NKAIN3: variants seen among roughly 807,000 people sequenced by gnomAD.
The protein encoded by NKAIN3 is sodium/potassium transporting ATPase interacting 3.
NKAIN3 carries 25 observed loss-of-function variants against 30.2 expected under a neutral mutation model. The observed-to-expected ratio is 0.83, with a 90% CI of 0.60 to 1.16. NKAIN3 has a LOEUF of 1.16. Among genes scored for constraint, NKAIN3 ranks in the 50% most tolerant of loss-of-function variants. NKAIN3 has a pLI of 0.00. For synonymous variants in NKAIN3, 91 were observed against 89.6 expected, an observed-to-expected ratio of 1.02 and a Z score of -0.09; for missense variants, 225 against 254.1, an observed-to-expected ratio of 0.89 and a Z score of 0.78.
At chr8:62,519,043 T>C (rs914321475) in intron 1 of NKAIN3, among the ~76,000 whole-genome samples, 1 of 151,976 alleles carries the variant, frequency 6.6e-6, no homozygotes, top group Non-Finnish European at 1.5e-5. Flanking sequence ...TGCTCCAAAA[T>C]ATTTCATGTA....
At chr8:62,735,500 T>C (rs1486238380) in intron 3 of NKAIN3, among the ~76,000 whole-genome samples, 1 of 152,052 alleles carries the variant, frequency 6.6e-6, no homozygotes, top group Non-Finnish European at 1.5e-5. Context: ...GTTGTGATTG[T>C]GTTTTATTTA....
chr8:62,866,482 C>T (rs932651947), intron 4 of NKAIN3, among the ~76,000 whole-genome samples: 1 of 152,138 alleles, frequency 6.6e-6, no homozygotes, highest in Non-Finnish European at 1.5e-5. Context: ...TTTGTTTATG[C>T]ATTTCCTTAA....
chr8:62,546,574 T>C (rs1235463808), intron 1 of NKAIN3, among the ~76,000 whole-genome samples: 1 of 152,220 alleles, frequency 6.6e-6, no homozygotes. Context: ...TCAAATGGCC[T>C]ATTGCTTGTG....
At chr8:62,863,964 A>T in intron 4 of NKAIN3, 8 of 831,290 alleles carry the variant, frequency 9.6e-6, no homozygotes, top group Admixed American at 1.8e-5. Context: ...GTGGTGGTGG[A>T]GGTGGAGGAG....
chr8:62,395,139 G>A (rs900298243), intron 1 of NKAIN3, among the ~76,000 whole-genome samples: 3 of 150,860 alleles, frequency 2.0e-5, no homozygotes, highest in African/African-American at 4.9e-5. Context: ...CTTCCCAGAC[G>A]GGGCGGCGAC....
At chr8:62,637,057 T>C (rs1268702412) in intron 3 of NKAIN3, among the ~76,000 whole-genome samples, 2 of 152,222 alleles carry the variant, frequency 1.3e-5, no homozygotes, top group Non-Finnish European at 2.9e-5. Context: ...CATTATTTTT[T>C]TGGAAAGGTA....
At chr8:62,258,290 A>C (rs376522012) in intron 1 of NKAIN3, among the ~76,000 whole-genome samples, 1 of 152,232 alleles carries the variant, frequency 6.6e-6, no homozygotes, top group African/African-American at 2.4e-5. Flanking sequence ...CTACATGTGC[A>C]TACTTGAACT....
At chr8:62,869,678 CG>C (rs1164589043) in intron 4 of NKAIN3, among the ~76,000 whole-genome samples, 1 of 152,138 alleles carries the variant, frequency 6.6e-6, no homozygotes, top group African/African-American at 2.4e-5. Flanking sequence ...CAACCCCTTG[CG>C]GGGGGTAGGT....
At chr8:62,351,247 G>C in intron 1 of NKAIN3, among the ~76,000 whole-genome samples, 1 of 150,008 alleles carries the variant, frequency 6.7e-6, no homozygotes, top group Non-Finnish European at 1.5e-5. Flanking sequence ...TGTATAAAAT[G>C]GGAGAGTATT....
chr8:62,929,676 A>G (rs1822560030), intron 5 of NKAIN3, among the ~76,000 whole-genome samples: 2 of 152,262 alleles, frequency 1.3e-5, no homozygotes, highest in Non-Finnish European at 2.9e-5. Flanking sequence ...TTAAACCATT[A>G]TGCAATTTTT....
chr8:62,599,509 G>A (rs1810928984), intron 3 of NKAIN3, among the ~76,000 whole-genome samples: 1 of 152,032 alleles, frequency 6.6e-6, no homozygotes, highest in Non-Finnish European at 1.5e-5. Context: ...TGAGGTTTCA[G>A]TAAATGGTGG....
intron 1 of NKAIN3, among the ~76,000 whole-genome samples, chr8:62,402,794 G>C (rs13248442): frequency 0.4 from 60,745 of 151,994 alleles, 14,098 homozygotes; most frequent in South Asian, 0.52. Context: ...ACAGTAAATT[G>C]GTACCGCAAA....
intron 3 of NKAIN3, among the ~76,000 whole-genome samples, chr8:62,633,694 A>G (rs746549713): frequency 6.6e-6 from 1 of 152,168 alleles, no homozygotes; most frequent in African/African-American, 2.4e-5. Context: ...CACAGATGCC[A>G]CGCTGTCTGT....
At chr8:62,858,701 A>T (rs1820140164) in intron 4 of NKAIN3, among the ~76,000 whole-genome samples, 1 of 152,004 alleles carries the variant, frequency 6.6e-6, no homozygotes, top group African/African-American at 2.4e-5. Context: ...GACTCTTCAA[A>T]GTCCACAGGC....
intron 4 of NKAIN3, among the ~76,000 whole-genome samples, chr8:62,816,919 T>G (rs907649326): frequency 2.0e-5 from 3 of 152,264 alleles, no homozygotes; most frequent in East Asian, 3.9e-4. Flanking sequence ...GCTCAGGACC[T>G]GCAAGAGTTG....
rs936325638 is a variant in NKAIN3, at chr8:62,967,557, T to A, written c.*2150T>A. 3.9e-5 allele frequency among the ~76,000 whole-genome samples: 6 copies of A among 152,106 alleles called. No individual in the cohort carries two copies. Among genetic ancestry groups the A allele is most frequent in the Admixed American group, 2.0e-4 (3 of 15,278 alleles). ...CCACAGAAACAACAAACTCTGTTTT[T>A]TAAAAAGCAGCTGGGAAAACCTTGC... On this transcript the variant is annotated 3_prime_UTR_variant, in exon 7 of 7. Transcript: ENST00000623646.
At chr8:62,565,495 G>A (rs1051387978) in intron 1 of NKAIN3, among the ~76,000 whole-genome samples, 14 of 152,156 alleles carry the variant, frequency 9.2e-5, no homozygotes, top group African/African-American at 2.6e-4. Flanking sequence ...AGGGGAAACC[G>A]AGGCACAGAG....
At chr8:62,675,650 T>C (rs1813450933) in intron 3 of NKAIN3, among the ~76,000 whole-genome samples, 1 of 152,104 alleles carries the variant, frequency 6.6e-6, no homozygotes, top group African/African-American at 2.4e-5. Context: ...CCAGCAGCTA[T>C]TGTTCCCCTC....
chr8:62,841,792 T>C (rs1330441568), intron 4 of NKAIN3, among the ~76,000 whole-genome samples: 1 of 152,168 alleles, frequency 6.6e-6, no homozygotes, highest in African/African-American at 2.4e-5. Context: ...GATATCTCTT[T>C]GGCATACTTA....
Sources: allele counts gnomAD v4.1 joint callset (sites outside exome capture counted in the v4.1 genomes callset), GRCh38; gene constraint gnomAD v4.1.1; transcripts MANE v1.5; gene names NCBI Gene and HGNC (gene_info 2026-07-23, HGNC 2026-07-21).